The following FAM200B variants were observed in gnomAD, a reference collection of about 807,000 sequenced individuals.
FAM200B encodes zinc finger BED-type containing 11.
In FAM200B, 32 loss-of-function variants were observed where a neutral mutation model predicts 33.1. The ratio of observed to expected loss-of-function variants is 0.97; its 90% CI spans 0.73 to 1.30. The LOEUF is 1.30. Ranked by LOEUF, FAM200B falls within the 50% of genes most tolerant of loss-of-function variation. FAM200B has a pLI of 0.00. For missense variants in FAM200B, 741 were observed against 754.0 expected, an observed-to-expected ratio of 0.98 and a Z score of 0.20; for synonymous variants, 240 against 264.8, an observed-to-expected ratio of 0.91 and a Z score of 0.91.
the FAM200B span, among the ~76,000 whole-genome samples, chr4:15,654,758 G>C: frequency 6.0e-4 from 92 of 152,216 alleles, no homozygotes; most frequent in Non-Finnish European, 9.8e-4. Flanking sequence ...GCCCCGAACA[G>C]GCCCGGGGGA....
the FAM200B span, among the ~76,000 whole-genome samples, chr4:15,657,727 C>T: frequency 3.3e-5 from 5 of 152,218 alleles, no homozygotes; most frequent in Non-Finnish European, 7.4e-5. Context: ...AGCAATTAAT[C>T]ACCTGATATA....
At chr4:15,657,364 C>G in the FAM200B span, among the ~76,000 whole-genome samples, 1 of 152,184 alleles carries the variant, frequency 6.6e-6, no homozygotes, top group African/African-American at 2.4e-5. Context: ...GAGGGTAGTT[C>G]ATAGCACTGT....
At chr4:15,638,598 C>T in the FAM200B span, 2 of 1,613,154 alleles carry the variant, frequency 1.2e-6, no homozygotes, top group South Asian at 2.2e-5. Flanking sequence ...AGGAGTTCTG[C>T]AGTATCCTTC....
the FAM200B span, among the ~76,000 whole-genome samples, chr4:15,650,246 T>G: frequency 2.0e-5 from 3 of 152,222 alleles, no homozygotes; most frequent in East Asian, 5.8e-4. Context: ...AATGCTTTGG[T>G]TAAGAAATGT....
the FAM200B span, chr4:15,641,475 T>A: frequency 5.3e-5 from 18 of 341,116 alleles, no homozygotes; most frequent in African/African-American, 3.9e-4. Context: ...GTGAATAGAT[T>A]TTTTTCTTCC....
chr4:15,679,063 ATTT>A (rs60866290), upstream of FAM200B, among the ~76,000 whole-genome samples: 5 of 118,746 alleles, frequency 4.2e-5, no homozygotes, highest in Admixed American at 9.0e-5. Context: ...TAAAATCTCT[ATTT>A]TTTTTTTTTT....
At chr4:15,659,854 A>T in the FAM200B span, 1 of 372,654 alleles carries the variant, frequency 2.7e-6, no homozygotes, top group South Asian at 1.1e-4. Flanking sequence ...CCTGAGGGAA[A>T]GGTGGCTACT....
At chr4:15,667,246 T>G in the FAM200B span, among the ~76,000 whole-genome samples, 12 of 152,206 alleles carry the variant, frequency 7.9e-5, no homozygotes, top group African/African-American at 2.7e-4. Flanking sequence ...TTAACCTTGA[T>G]GGCAGTCCAT....
the FAM200B span, among the ~76,000 whole-genome samples, chr4:15,656,999 CTGTCT>C: frequency 6.7e-6 from 1 of 149,944 alleles, no homozygotes; most frequent in African/African-American, 2.4e-5. Context: ...TATTCACAGT[CTGTCT>C]TAAGAAGCAG....
chr4:15,678,755 AG>A (rs1217582824), upstream of FAM200B, among the ~76,000 whole-genome samples: 3 of 152,208 alleles, frequency 2.0e-5, no homozygotes, highest in African/African-American at 7.2e-5. Context: ...TTTAGCCTAC[AG>A]AAAAATATTT....
the FAM200B span, among the ~76,000 whole-genome samples, chr4:15,672,884 A>G: frequency 6.6e-6 from 1 of 152,162 alleles, no homozygotes; most frequent in Admixed American, 6.5e-5. Flanking sequence ...AATATTTTTT[A>G]TATCCTTATT....
In FAM200B at chr4:15,687,749, TTG is replaced by T. The variant is rs1193364080; in HGVS notation, c.776_777del (p.Cys259PhefsTer26). 3 of 1,550,530 alleles carry T rather than the reference TTG, an allele frequency of 1.9e-6. No homozygotes were observed. The highest frequency in any genetic ancestry group is 1.4e-5 in the African/African-American group (1 of 73,072). On this transcript the variant is annotated frameshift_variant, in exon 2 of 2. Coordinates refer to ENST00000422728, the MANE Select transcript of FAM200B (RefSeq NM_001145191.2). LOFTEE classifies it high-confidence loss of function. ...AWQDDFLEDF[L>X]CFLNLTSHLS... ...GCAAGATGATTTTTTGGAGGATTTT[TTG>T]TGTTTTTTAAATTTAACCTCACACC...
the FAM200B span, among the ~76,000 whole-genome samples, chr4:15,660,115 G>C: frequency 2.0e-5 from 3 of 149,978 alleles, no homozygotes; most frequent in African/African-American, 7.4e-5. Flanking sequence ...GTTTCACTCT[G>C]TCACCCAGGC....
chr4:15,648,700 T>G, the FAM200B span, among the ~76,000 whole-genome samples: 1 of 152,164 alleles, frequency 6.6e-6, no homozygotes, highest in Non-Finnish European at 1.5e-5. Flanking sequence ...AAGGTGGTTG[T>G]TGGGGCAGGG....
At chr4:15,677,519 C>G (rs1243812508), upstream of FAM200B, among the ~76,000 whole-genome samples, 2 of 152,156 alleles carry the variant, frequency 1.3e-5, no homozygotes, top group African/African-American at 2.4e-5. Flanking sequence ...ATCTCACTAT[C>G]TCTGACAAGG....
chr4:15,657,378 A>G, the FAM200B span, among the ~76,000 whole-genome samples: 2 of 152,176 alleles, frequency 1.3e-5, no homozygotes, highest in African/African-American at 2.4e-5. Flanking sequence ...GCACTGTGTA[A>G]TTTCCTCATT....
the FAM200B span, among the ~76,000 whole-genome samples, chr4:15,664,183 G>T: frequency 6.6e-6 from 1 of 151,814 alleles, no homozygotes; most frequent in African/African-American, 2.4e-5. Context: ...CCATCACTCA[G>T]TATCTTAATA....
chr4:15,679,082 T>TC (rs2148833856), upstream of FAM200B, among the ~76,000 whole-genome samples: 1 of 149,256 alleles, frequency 6.7e-6, no homozygotes, highest in African/African-American at 2.5e-5. Flanking sequence ...TTTTTTTTTT[T>TC]TGAGACGGAG....
At chr4:15,660,347 A>T in the FAM200B span, among the ~76,000 whole-genome samples, 1 of 152,098 alleles carries the variant, frequency 6.6e-6, no homozygotes, top group Admixed American at 6.5e-5. Flanking sequence ...CTCCCAAAGC[A>T]CTGGGATTAC....
Sources: gnomAD v4.1 joint callset for allele counts (sites outside exome capture counted in the v4.1 genomes callset) on GRCh38, gnomAD v4.1.1 for gene constraint, MANE v1.5 for transcripts, NCBI Gene and HGNC (gene_info 2026-07-23, HGNC 2026-07-21) for gene names.